The following THADA variants were observed in gnomAD, a reference collection of about 807,000 sequenced individuals.
The protein encoded by THADA is tRNA (32-2'-O)-methyltransferase regulator THADA.
A neutral mutation model predicts 219.8 loss-of-function variants in THADA; 213 were observed. The ratio of observed to expected loss-of-function variants is 0.97; its 90% CI spans 0.87 to 1.09. The LOEUF is 1.09. THADA is among the 50% of genes least tolerant of loss of function. THADA has a pLI of 0.00. For missense variants in THADA, 2,956 were observed against 2,311.3 expected, an observed-to-expected ratio of 1.28 and a Z score of -5.72; for synonymous variants, 1,018 against 828.9, an observed-to-expected ratio of 1.23 and a Z score of -3.92.
At chr2:43,386,932 G>A (rs371690320) in intron 29 of THADA, among the ~76,000 whole-genome samples, 2 of 149,894 alleles carry the variant, frequency 1.3e-5, no homozygotes, top group Admixed American at 6.7e-5. Flanking sequence ...TACTATCTCC[G>A]TCATGTATGT....
At chr2:43,591,100 C>G (rs1411452839) in intron 3 of THADA, 146 bp from the exon 4 acceptor site, 1 of 673,672 alleles carries the variant, frequency 1.5e-6, no homozygotes, top group African/African-American at 1.8e-5. Flanking sequence ...GTGGGCAGAT[C>G]GCTTGAGCCC....
intron 35 of THADA, among the ~76,000 whole-genome samples, chr2:43,283,420 C>A (rs1241932939): frequency 6.6e-6 from 1 of 152,140 alleles, no homozygotes; most frequent in Non-Finnish European, 1.5e-5. Flanking sequence ...TTGGAGGGCT[C>A]AGAAAAAGAC....
chr2:43,378,005 T>C (rs1671576061), intron 29 of THADA, among the ~76,000 whole-genome samples: 1 of 152,212 alleles, frequency 6.6e-6, no homozygotes, highest in African/African-American at 2.4e-5. Context: ...TATAGTATTT[T>C]CACATGATTA....
At chr2:43,352,438 A>C (rs575341710) in intron 29 of THADA, among the ~76,000 whole-genome samples, 1 of 152,170 alleles carries the variant, frequency 6.6e-6, no homozygotes, top group East Asian at 1.9e-4. Context: ...TGTGCCTGTA[A>C]TCTCAGCTAC....
intron 30 of THADA, among the ~76,000 whole-genome samples, chr2:43,329,239 T>C (rs1679689378): frequency 6.6e-6 from 1 of 152,200 alleles, no homozygotes; most frequent in Non-Finnish European, 1.5e-5. Context: ...ACTTTTATTG[T>C]ACAGTTTGGG....
At chr2:43,351,304 C>T (rs1292805095) in intron 29 of THADA, among the ~76,000 whole-genome samples, 1 of 152,216 alleles carries the variant, frequency 6.6e-6, no homozygotes, top group African/African-American at 2.4e-5. Flanking sequence ...GTTTCCTCCA[C>T]TTTACGAACC....
At chr2:43,437,750 T>C (rs879363872) in intron 26 of THADA, among the ~76,000 whole-genome samples, 1 of 152,134 alleles carries the variant, frequency 6.6e-6, no homozygotes, top group Admixed American at 6.5e-5. Flanking sequence ...GTTTATATAA[T>C]GAACAGCATT....
intron 36 of THADA, among the ~76,000 whole-genome samples, chr2:43,246,402 G>A (rs1462402856): frequency 6.6e-6 from 1 of 152,198 alleles, no homozygotes; most frequent in Non-Finnish European, 1.5e-5. Flanking sequence ...GGCTGAGGCA[G>A]GAGAATCACT....
intron 23 of THADA, among the ~76,000 whole-genome samples, chr2:43,506,988 T>C (rs1429586783): frequency 6.6e-6 from 1 of 152,166 alleles, no homozygotes; most frequent in East Asian, 1.9e-4. Flanking sequence ...AAAAAAACTT[T>C]ATGTCTATAT....
chr2:43,327,519 A>G (rs1679474431), intron 30 of THADA, among the ~76,000 whole-genome samples: 1 of 152,098 alleles, frequency 6.6e-6, no homozygotes, highest in South Asian at 2.1e-4. Flanking sequence ...AAATGGTTGA[A>G]AAAGGGGAAA....
chr2:43,430,436 C>T (rs1451210245), intron 26 of THADA, 134 bp from the exon 27 acceptor site: 9 of 575,126 alleles, frequency 1.6e-5, no homozygotes, highest in Non-Finnish European at 2.5e-5. Flanking sequence ...ACAGAATCTA[C>T]AGCATCTTAA....
chr2:43,370,671 C>G (rs1189446784), intron 29 of THADA, among the ~76,000 whole-genome samples: 1 of 152,142 alleles, frequency 6.6e-6, no homozygotes, highest in Non-Finnish European at 1.5e-5. Flanking sequence ...GAAGTTAATA[C>G]TGAACACAAA....
At chr2:43,566,368 T>A (rs1020512651) in intron 15 of THADA, 20 of 606,362 alleles carry the variant, frequency 3.3e-5, no homozygotes, top group African/African-American at 3.2e-4. Context: ...TTATTTCAAA[T>A]TTTAAAACTT....
At chr2:43,316,955 AT>A (rs1678155469) in intron 31 of THADA, among the ~76,000 whole-genome samples, 1 of 152,236 alleles carries the variant, frequency 6.6e-6, no homozygotes, top group South Asian at 2.1e-4. Context: ...AATAGTTAAT[AT>A]TATTGAGCAT....
chr2:43,519,268 C>A (rs548182998), intron 22 of THADA, among the ~76,000 whole-genome samples: 1 of 152,098 alleles, frequency 6.6e-6, no homozygotes, highest in South Asian at 2.1e-4. Flanking sequence ...AAGCAATAAT[C>A]AATAAACTTT....
intron 28 of THADA, among the ~76,000 whole-genome samples, chr2:43,403,800 G>A (rs894431638): frequency 2.0e-5 from 3 of 152,014 alleles, no homozygotes; most frequent in African/African-American, 7.2e-5. Context: ...GTTCAAAAAA[G>A]CTATGTCTGA....
At chr2:43,242,371 G>A (rs1668711512) in intron 36 of THADA, among the ~76,000 whole-genome samples, 1 of 152,214 alleles carries the variant, frequency 6.6e-6, no homozygotes. Flanking sequence ...TTATACTCAA[G>A]GTGACTGACA....
At chr2:43,312,133 C>G (rs1281870485) in intron 31 of THADA, among the ~76,000 whole-genome samples, 3 of 151,550 alleles carry the variant, frequency 2.0e-5, no homozygotes, top group African/African-American at 7.3e-5. Context: ...GCAGGAGGAT[C>G]ACTTGGGCCC....
intron 32 of THADA, among the ~76,000 whole-genome samples, chr2:43,292,561 G>A (rs1462395466): frequency 6.6e-6 from 1 of 152,178 alleles, no homozygotes; most frequent in Non-Finnish European, 1.5e-5. Context: ...TTAATGATCT[G>A]TTTCCTAAAC....
Sources: gnomAD v4.1 joint callset for allele counts (sites outside exome capture counted in the v4.1 genomes callset) on GRCh38, gnomAD v4.1.1 for gene constraint, MANE v1.5 for transcripts, NCBI Gene and HGNC (gene_info 2026-07-23, HGNC 2026-07-21) for gene names.